PTCH1: variants seen among roughly 807,000 people sequenced by gnomAD.
The protein encoded by PTCH1 is protein patched homolog 1.
A neutral mutation model predicts 144.6 loss-of-function variants in PTCH1; 14 were observed. The ratio of observed to expected loss-of-function variants is 0.10; its 90% confidence interval spans 0.06 to 0.15. The LOEUF (loss-of-function observed/expected upper bound fraction) is 0.15, where lower values mean the gene tolerates loss of function less well. Ranked by LOEUF, PTCH1 falls within the 10% of genes least tolerant of loss-of-function variation. The probability of loss-of-function intolerance (pLI) is 1.00; values close to 1 mark genes in which losing one functional copy is unlikely to be tolerated. For synonymous variants in PTCH1, 833 were observed against 793.6 expected (o/e 1.05, Z -0.83); for missense variants, 1,623 against 1,948.3 (o/e 0.83, Z 3.14).
rs532430414 is a variant in PTCH1 at position 95,445,039 on chromosome 9, A to C, written c.*1354T>G. ...GATTTACTTAGGAAGCACGTACCCT[A>C]AACACTGGTGCATGAAGAATCCCCC... On this transcript the variant is annotated 3_prime_UTR_variant, in exon 24 of 24. Coordinates refer to ENST00000331920, the MANE Select transcript of PTCH1 (RefSeq NM_000264.5). The C allele has an allele frequency of 7.2e-5, 11 of 152,274 alleles. No individual in the cohort carries two copies. The highest frequency in any genetic ancestry group is 2.6e-4 in the African/African-American group (11 of 41,544). The allele number at this position is 152,274 out of a possible 1,614,324, so 9.4% of individuals were successfully genotyped here. A position where few individuals can be genotyped will look rare whatever the true frequency, so the allele number is the denominator to read the frequency against.
chr9:95,494,377 G>C lies in PTCH1; in HGVS notation c.395-8503C>G, dbSNP rs922207591. Reference sequence around the variant, plus strand: ...AGCCACGAGTTCCCGAGACGACGCTGCATCTGCCAGGAGGCCCCTTCTTCA... The same window carrying C: ...AGCCACGAGTTCCCGAGACGACGCTCCATCTGCCAGGAGGCCCCTTCTTCA... On this transcript the variant is annotated intron_variant, in intron 2 of 23. Transcript: ENST00000331920. 8 of 985,446 alleles carry C rather than the reference G, an allele frequency of 8.1e-6. No homozygotes were observed. The African/African-American group carries it at 1.4e-4, about 17-fold the overall frequency. The allele number at this position is 985,446 out of a possible 1,614,324, so 61.0% of individuals were successfully genotyped here. A position where few individuals can be genotyped will look rare whatever the true frequency, so the allele number is the denominator to read the frequency against.
intron 2 of PTCH1, among the ~76,000 whole-genome samples, chr9:95,497,799 T>C (rs762693940): frequency 6.6e-6 from 1 of 152,232 alleles, no homozygotes; most frequent in Non-Finnish European, 1.5e-5. Flanking sequence ...CATTCCAATG[T>C]GTTTATCTGG....
chr9:95,449,971 G>T lies in PTCH1; in HGVS notation c.3450-31C>A. ...AGATCAAGAGGAAACGGGAACACGC[G>T]CTGTGACAGGGTGGATCGCGCCACC... On this transcript the variant is annotated intron_variant, in intron 20 of 23. Transcript: ENST00000331920. The surrounding 1 kb of genome is among the most constrained non-coding windows in gnomAD (Gnocchi z 5.3). 1 of 1,589,092 alleles carries T rather than the reference G, an allele frequency of 6.3e-7. No individual in the cohort carries two copies. The highest frequency in any genetic ancestry group is 8.6e-7 in the Non-Finnish European group (1 of 1,157,926).
intron 2 of PTCH1, among the ~76,000 whole-genome samples, chr9:95,497,472 G>A (rs1386290665): frequency 2.1e-5 from 3 of 140,712 alleles, no homozygotes; most frequent in African/African-American, 8.4e-5. Context: ...CACCAGACTG[G>A]CTTTGCAACC....
intron 1 of PTCH1, 193 bp from the exon 2 acceptor site, chr9:95,506,792 G>A: frequency 9.1e-7 from 1 of 1,099,066 alleles, no homozygotes; most frequent in Non-Finnish European, 1.2e-6. Context: ...ATAAAGCCGG[G>A]CCGCAGCGTG....
chr9:95,496,787 G>C (rs927826928), intron 2 of PTCH1, among the ~76,000 whole-genome samples: 1 of 152,070 alleles, frequency 6.6e-6, no homozygotes, highest in African/African-American at 2.4e-5. Context: ...TAAGAAGAAA[G>C]AATTTCTTAG....
At chr9:95,453,053 G>A (rs754416779) in intron 20 of PTCH1, 15 of 319,984 alleles carry the variant, frequency 4.7e-5, no homozygotes, top group Non-Finnish European at 8.5e-5. Context: ...AAGTTCAAAA[G>A]AAAGCAGAGT....
At chr9:95,485,642 C>G in intron 3 of PTCH1, 43 bp downstream of exon 3, 1 of 1,612,038 alleles carries the variant, frequency 6.2e-7, no homozygotes, top group Non-Finnish European at 8.5e-7. Context: ...TCTCCCACCG[C>G]CTTACCTGCT....
chr9:95,514,251 C>T (rs1844271118), upstream of PTCH1: 1 of 152,234 alleles, frequency 6.6e-6, no homozygotes, highest in African/African-American at 2.4e-5. Flanking sequence ...ACATTGCTTT[C>T]CTCTCATGGA....
In PTCH1 at chr9:95,469,166, GA is replaced by G; in HGVS notation, c.1848-14del. 1.2e-6 allele frequency: 2 copies of G among 1,614,040 alleles called. No homozygotes were observed. Among genetic ancestry groups the G allele is most frequent in the Middle Eastern group, 1.6e-4 (1 of 6,062 alleles). ...GCTGACGCAGGGGCTGAAAGGAGGG[GA>G]AACATGTTGCAATGTTATGCTGAAA... is the stretch of plus-strand genomic sequence containing the variant. On this transcript the variant is annotated splice_polypyrimidine_tract_variant and intron_variant, in intron 13 of 23. Transcript: ENST00000331920.
intron 2 of PTCH1, among the ~76,000 whole-genome samples, chr9:95,502,978 TACAC>T (rs1218909758): frequency 6.6e-6 from 1 of 152,064 alleles, no homozygotes; most frequent in Non-Finnish European, 1.5e-5. Flanking sequence ...ACAATGTGCA[TACAC>T]ACACACGCTC....
At chr9:95,467,713 C>T (rs571354641) in intron 14 of PTCH1, among the ~76,000 whole-genome samples, 4 of 152,282 alleles carry the variant, frequency 2.6e-5, no homozygotes, top group Middle Eastern at 3.4e-3. Flanking sequence ...AAGCAATTCT[C>T]GTGCCTCAGC....
At chr9:95,481,214 A>G (rs946373055) in intron 5 of PTCH1, among the ~76,000 whole-genome samples, 1 of 152,204 alleles carries the variant, frequency 6.6e-6, no homozygotes, top group African/African-American at 2.4e-5. Flanking sequence ...ACCAGGCTGA[A>G]GTCATTATTC....
chr9:95,448,703 ACT>A (rs1477326115), intron 22 of PTCH1, among the ~76,000 whole-genome samples: 4 of 149,694 alleles, frequency 2.7e-5, no homozygotes, highest in Non-Finnish European at 5.9e-5. Context: ...AGAAAATATC[ACT>A]CTCAAATGAC....
intron 5 of PTCH1, 103 bp from the exon 6 acceptor site, chr9:95,480,691 G>T: frequency 8.5e-7 from 1 of 1,171,798 alleles, no homozygotes; most frequent in Non-Finnish European, 1.3e-6. Flanking sequence ...GAGGTTCCTG[G>T]CAATGCTGCA....
chr9:95,482,839 A>C (rs907935443), intron 3 of PTCH1: 1 of 155,324 alleles, frequency 6.4e-6, no homozygotes, highest in Non-Finnish European at 1.4e-5. Context: ...TGGGAGGTGC[A>C]GGCAGGAGGA....
At chr9:95,508,081 G>C in intron 1 of PTCH1, 80 bp downstream of exon 1, 1 of 1,594,004 alleles carries the variant, frequency 6.3e-7, no homozygotes, top group African/African-American at 1.3e-5. Flanking sequence ...AAGAGAGTGT[G>C]TGTGTTTGTG....
intron 2 of PTCH1, among the ~76,000 whole-genome samples, chr9:95,493,099 T>C (rs1046549672): frequency 3.9e-5 from 6 of 152,178 alleles, no homozygotes; most frequent in Non-Finnish European, 8.8e-5. Flanking sequence ...CTTTCCAAAG[T>C]GAAGAAAGGC....
At chr9:95,496,670 CAT>C (rs1006971336) in intron 2 of PTCH1, among the ~76,000 whole-genome samples, 18 of 152,104 alleles carry the variant, frequency 1.2e-4, no homozygotes, top group South Asian at 4.1e-4. Context: ...AGGTATTAAA[CAT>C]GTGCAATTTT....
Sources: allele counts gnomAD v4.1 joint callset (sites outside exome capture counted in the v4.1 genomes callset), GRCh38; gene constraint gnomAD v4.1.1; non-coding constraint Gnocchi (gnomAD v3.1); transcripts MANE v1.5; gene names NCBI Gene and HGNC (gene_info 2026-07-23, HGNC 2026-07-21).